NECTIN3: variants seen among roughly 807,000 people sequenced by gnomAD.
NECTIN3 encodes nectin cell adhesion molecule 3, also known as nectin-3.
In NECTIN3, 8 loss-of-function variants were observed where a neutral mutation model predicts 49.4. The ratio of observed to expected loss-of-function variants is 0.16; its 90% confidence interval spans 0.10 to 0.29. The LOEUF (loss-of-function observed/expected upper bound fraction) is 0.29. Among genes scored for constraint, NECTIN3 ranks in the 10% least tolerant of loss-of-function variants. The pLI is 1.00. For synonymous variants in NECTIN3, 277 were observed against 241.1 expected (o/e 1.15, Z -1.38); for missense variants, 581 against 654.6 (o/e 0.89, Z 1.23).
At chr3:111,192,495 A>C in intron 1 of NECTIN3, 1 of 1,290,014 alleles carries the variant, frequency 7.8e-7, no homozygotes, top group Non-Finnish European at 1.1e-6. Context: ...ATTGTATACA[A>C]GTTCATTTTA....
At chr3:111,123,801 T>G (rs180998565) in intron 4 of NECTIN3, among the ~76,000 whole-genome samples, 1 of 152,186 alleles carries the variant, frequency 6.6e-6, no homozygotes, top group Non-Finnish European at 1.5e-5. Flanking sequence ...TTTTCAACTT[T>G]GGCACTATTG....
upstream of NECTIN3, among the ~76,000 whole-genome samples, chr3:111,189,947 G>T (rs1039566377): frequency 6.6e-6 from 1 of 152,158 alleles, no homozygotes; most frequent in Non-Finnish European, 1.5e-5. Context: ...GGACAGGGAG[G>T]GGGAGGCCAG....
intron 7 of NECTIN3, among the ~76,000 whole-genome samples, chr3:111,164,246 A>T (rs749136506): frequency 6.6e-6 from 1 of 152,180 alleles, no homozygotes; most frequent in Non-Finnish European, 1.5e-5. Flanking sequence ...TATATCATTT[A>T]TATCAAATTT....
chr3:111,173,892 C>T (rs1365028792), intron 7 of NECTIN3, among the ~76,000 whole-genome samples: 1 of 152,010 alleles, frequency 6.6e-6, no homozygotes, highest in Non-Finnish European at 1.5e-5. Flanking sequence ...TTCTTCACTC[C>T]CTATTGTTGA....
intron 7 of NECTIN3, among the ~76,000 whole-genome samples, chr3:111,172,740 G>T (rs2035457351): frequency 6.6e-6 from 1 of 152,042 alleles, no homozygotes; most frequent in South Asian, 2.1e-4. Context: ...CTGTTTCCTT[G>T]ATCTGCCATT....
intron 1 of NECTIN3, among the ~76,000 whole-genome samples, chr3:111,108,783 G>C (rs1041696914): frequency 5.3e-5 from 8 of 152,036 alleles, no homozygotes; most frequent in African/African-American, 1.9e-4. Flanking sequence ...CTCCTCTCCT[G>C]TGAACTCAGA....
intron 7 of NECTIN3, among the ~76,000 whole-genome samples, chr3:111,164,276 A>G (rs1163537856): frequency 6.6e-6 from 1 of 152,152 alleles, no homozygotes; most frequent in Non-Finnish European, 1.5e-5. Context: ...ATTTACTCAA[A>G]TATAATTATA....
intron 5 of NECTIN3, among the ~76,000 whole-genome samples, chr3:111,130,890 T>C (rs2034362990): frequency 6.6e-6 from 1 of 152,126 alleles, no homozygotes; most frequent in Admixed American, 6.5e-5. Context: ...AATACCTGTT[T>C]CTTATCTTTA....
chr3:111,098,833 A>C (rs1045323432), intron 1 of NECTIN3, among the ~76,000 whole-genome samples: 19 of 151,530 alleles, frequency 1.3e-4, no homozygotes, highest in Non-Finnish European at 2.1e-4. Context: ...CTACACTTTA[A>C]GTTTCCCAAG....
At chr3:111,082,459 G>A (rs1195883004) in intron 1 of NECTIN3, among the ~76,000 whole-genome samples, 1 of 151,982 alleles carries the variant, frequency 6.6e-6, no homozygotes, top group Admixed American at 6.6e-5. Context: ...TTTAGATTGA[G>A]GTATTTTGAT....
chr3:111,116,317 A>G (rs1429734947), intron 2 of NECTIN3, among the ~76,000 whole-genome samples: 1 of 152,166 alleles, frequency 6.6e-6, no homozygotes, highest in Non-Finnish European at 1.5e-5. Flanking sequence ...AGTAAGCCCT[A>G]CAGAAAATGT....
intron 1 of NECTIN3, among the ~76,000 whole-genome samples, chr3:111,085,557 C>G (rs1424668565): frequency 6.6e-6 from 1 of 152,208 alleles, no homozygotes; most frequent in East Asian, 1.9e-4. Flanking sequence ...AAGTCCTTCT[C>G]TCATACTCCT....
intron 5 of NECTIN3, among the ~76,000 whole-genome samples, chr3:111,130,593 A>G (rs1258846476): frequency 6.6e-6 from 1 of 152,178 alleles, no homozygotes; most frequent in Non-Finnish European, 1.5e-5. Flanking sequence ...TGTAAAATAA[A>G]TGCATCTTAG....
intron 1 of NECTIN3, among the ~76,000 whole-genome samples, chr3:111,192,629 G>T (rs1218768607): frequency 6.6e-6 from 1 of 152,148 alleles, no homozygotes; most frequent in East Asian, 1.9e-4. Flanking sequence ...AGACACCACA[G>T]AACATCATGG....
intron 1 of NECTIN3, among the ~76,000 whole-genome samples, chr3:111,096,885 ATC>A (rs1199595508): frequency 1.3e-5 from 2 of 152,156 alleles, no homozygotes; most frequent in African/African-American, 4.8e-5. Flanking sequence ...CTCATGGAGA[ATC>A]TCTGTTAAGG....
intron 1 of NECTIN3, among the ~76,000 whole-genome samples, chr3:111,082,269 G>A (rs146052334): frequency 6.6e-6 from 1 of 152,146 alleles, no homozygotes; most frequent in Non-Finnish European, 1.5e-5. Context: ...GAGAGTTGGG[G>A]TTAGAAGGGT....
At chr3:111,149,171 A>T (rs988169509) in intron 7 of NECTIN3, among the ~76,000 whole-genome samples, 1 of 151,664 alleles carries the variant, frequency 6.6e-6, no homozygotes, top group African/African-American at 2.4e-5. Context: ...CTGTTTCTGA[A>T]CTCTTAATTC....
At chr3:111,092,704 G>A (rs717160) in intron 1 of NECTIN3, among the ~76,000 whole-genome samples, 149,004 of 152,270 alleles carry the variant, frequency 0.98, 72,983 homozygotes, top group East Asian at 1. Flanking sequence ...CACAGTTTTA[G>A]TCACTGTAGT....
chr3:111,185,592 G>A (rs933362820), intron 7 of NECTIN3, among the ~76,000 whole-genome samples: 1 of 152,140 alleles, frequency 6.6e-6, no homozygotes, highest in Non-Finnish European at 1.5e-5. Context: ...AGTGCCTTGT[G>A]GAGTTATAAG....
Sources: gnomAD v4.1 joint callset for allele counts (sites outside exome capture counted in the v4.1 genomes callset) on GRCh38, gnomAD v4.1.1 for gene constraint, MANE v1.5 for transcripts, NCBI Gene and HGNC (gene_info 2026-07-23, HGNC 2026-07-21) for gene names.